TRPM3: variants seen among roughly 807,000 people sequenced by gnomAD.
TRPM3 encodes the protein transient receptor potential cation channel subfamily M member 3.
A neutral mutation model predicts 181.2 loss-of-function variants in TRPM3; 77 were observed. The observed-to-expected ratio is 0.42, with a 90% CI of 0.35 to 0.51. The LOEUF is 0.51. TRPM3 is among the 20% of genes least tolerant of loss of function. TRPM3 has a pLI of 0.01. For missense variants in TRPM3, 1,759 were observed against 2,196.7 expected (o/e 0.80, Z 3.98); for synonymous variants, 745 against 796.4 (o/e 0.94, Z 1.09).
chr9:71,071,681 A>G (rs1050652593), intron 1 of TRPM3, among the ~76,000 whole-genome samples: 1 of 152,152 alleles, frequency 6.6e-6, no homozygotes, highest in Admixed American at 6.5e-5. Flanking sequence ...AGAGATATGG[A>G]ACAGAAAGAG....
chr9:71,181,798 T>G (rs1565312247), intron 1 of TRPM3, among the ~76,000 whole-genome samples: 1 of 152,158 alleles, frequency 6.6e-6, no homozygotes, highest in East Asian at 1.9e-4. Flanking sequence ...GAACAATCCT[T>G]AGACATAACT....
chr9:71,283,643 T>C (rs907082615), intron 1 of TRPM3, among the ~76,000 whole-genome samples: 5 of 152,212 alleles, frequency 3.3e-5, no homozygotes, highest in African/African-American at 1.2e-4. Context: ...ATTGTATTTA[T>C]ATACCACGTT....
chr9:70,584,396 C>T (rs1361575973), intron 22 of TRPM3, among the ~76,000 whole-genome samples: 24 of 152,044 alleles, frequency 1.6e-4, no homozygotes, highest in Non-Finnish European at 4.4e-5. Context: ...TGCAAAAAAC[C>T]CTTTCTTTTT....
chr9:71,070,056 A>C (rs1378579824), intron 1 of TRPM3, among the ~76,000 whole-genome samples: 1 of 152,200 alleles, frequency 6.6e-6, no homozygotes, highest in Non-Finnish European at 1.5e-5. Context: ...ATGAGTATTG[A>C]CCATGAAATT....
chr9:70,629,231 C>CGGGGGG (rs2065323500), intron 12 of TRPM3, among the ~76,000 whole-genome samples: 1 of 46,012 alleles, frequency 2.2e-5, no homozygotes. Context: ...GGGGGGGGGC[C>CGGGGGG]TGCGTTCTGT....
At chr9:70,849,575 T>C (rs2095140601) in intron 3 of TRPM3, among the ~76,000 whole-genome samples, 1 of 152,170 alleles carries the variant, frequency 6.6e-6, no homozygotes, top group Non-Finnish European at 1.5e-5. Context: ...GTATTGGGTA[T>C]ATAATATAAA....
At chr9:70,890,734 T>C (rs867513681) in intron 1 of TRPM3, among the ~76,000 whole-genome samples, 1 of 152,136 alleles carries the variant, frequency 6.6e-6, no homozygotes, top group African/African-American at 2.4e-5. Context: ...TAACTCCACA[T>C]GCTGCAACAT....
At chr9:71,196,953 T>C (rs1165159014) in intron 1 of TRPM3, among the ~76,000 whole-genome samples, 4 of 53,372 alleles carry the variant, frequency 7.5e-5, no homozygotes, top group Admixed American at 2.7e-4. Flanking sequence ...TGTGCCATGC[T>C]GGTGTGCTGC....
intron 8 of TRPM3, among the ~76,000 whole-genome samples, chr9:70,682,522 C>T (rs1434963516): frequency 6.6e-6 from 1 of 151,998 alleles, no homozygotes; most frequent in Non-Finnish European, 1.5e-5. Flanking sequence ...TGTATTTCAC[C>T]CTAGAACAAT....
At chr9:70,621,764 C>T (rs1308177966) in intron 14 of TRPM3, among the ~76,000 whole-genome samples, 2 of 152,118 alleles carry the variant, frequency 1.3e-5, no homozygotes, top group Admixed American at 6.5e-5. Context: ...ACAAGAAGAA[C>T]TGATTTATAG....
At chr9:70,960,353 T>C (rs1336927455) in intron 1 of TRPM3, among the ~76,000 whole-genome samples, 3 of 152,138 alleles carry the variant, frequency 2.0e-5, no homozygotes, top group Non-Finnish European at 2.9e-5. Context: ...CTCCAGGTGA[T>C]AGTCCCTCCC....
chr9:71,032,089 AAT>A (rs1470334854), intron 1 of TRPM3, among the ~76,000 whole-genome samples: 2 of 11,996 alleles, frequency 1.7e-4, no homozygotes, highest in African/African-American at 2.0e-3. Context: ...ATATATATAT[AAT>A]TATATAATAT....
At chr9:71,377,152 C>T (rs138273201) in intron 1 of TRPM3, among the ~76,000 whole-genome samples, 151 of 152,166 alleles carry the variant, frequency 9.9e-4, no homozygotes, top group African/African-American at 3.6e-3. Context: ...CTCTGTACCA[C>T]GCAACACTGC....
chr9:70,809,138 G>A (rs970462154), intron 6 of TRPM3, among the ~76,000 whole-genome samples: 6 of 152,138 alleles, frequency 3.9e-5, no homozygotes, highest in Admixed American at 1.3e-4. Flanking sequence ...ATAAGCAAAT[G>A]AAGAAAATAT....
intron 1 of TRPM3, among the ~76,000 whole-genome samples, chr9:71,035,979 A>T (rs1391788614): frequency 8.1e-6 from 1 of 122,766 alleles, no homozygotes; most frequent in African/African-American, 3.2e-5. Context: ...ATGCAAACAT[A>T]GGCTTTTTTT....
At chr9:70,567,025 G>C (rs2050783185) in intron 22 of TRPM3, among the ~76,000 whole-genome samples, 1 of 152,162 alleles carries the variant, frequency 6.6e-6, no homozygotes, top group Non-Finnish European at 1.5e-5. Context: ...ACGACATCAG[G>C]GCAGAAACCC....
intron 1 of TRPM3, among the ~76,000 whole-genome samples, chr9:70,880,121 T>C (rs1317379539): frequency 6.6e-6 from 1 of 152,188 alleles, no homozygotes; most frequent in Non-Finnish European, 1.5e-5. Flanking sequence ...CTTGAATGTC[T>C]GTGCCTTCCA....
At chr9:71,356,172 T>C (rs2132697390) in intron 1 of TRPM3, among the ~76,000 whole-genome samples, 1 of 152,262 alleles carries the variant, frequency 6.6e-6, no homozygotes, top group East Asian at 1.9e-4. Context: ...GCCCTGTATA[T>C]CATATGCTTT....
At chr9:71,446,349 TCA>T (rs1437253187) in intron 1 of TRPM3, among the ~76,000 whole-genome samples, 1 of 152,186 alleles carries the variant, frequency 6.6e-6, no homozygotes, top group African/African-American at 2.4e-5. Context: ...CGACAACGTC[TCA>T]CACGCTCTGT....
Sources: gnomAD v4.1 joint callset for allele counts (sites outside exome capture counted in the v4.1 genomes callset) on GRCh38, gnomAD v4.1.1 for gene constraint, MANE v1.5 for transcripts, NCBI Gene and HGNC (gene_info 2026-07-23, HGNC 2026-07-21) for gene names.